Variants in ASAP3 observed in about 807,000 individuals in gnomAD.
The protein encoded by ASAP3 is arf-GAP with SH3 domain, ANK repeat and PH domain-containing protein 3.
A neutral mutation model predicts 118.2 loss-of-function variants in ASAP3; 85 were observed. The observed-to-expected ratio is 0.72, with a 90% CI of 0.60 to 0.86. ASAP3 has a LOEUF of 0.86. ASAP3 is among the 40% of genes least tolerant of loss of function. The probability of loss-of-function intolerance (pLI) is 0.00; values close to 1 mark genes in which losing one functional copy is unlikely to be tolerated. For synonymous variants in ASAP3, 432 were observed against 477.4 expected (o/e 0.90, Z 1.24); for missense variants, 1,026 against 1,175.0 (o/e 0.87, Z 1.85).
rs1177797265 is a variant in ASAP3, at chr1:23,442,245, C to T, written c.612G>A (p.Gln204=). The T allele has an allele frequency of 6.2e-7, 1 of 1,606,810 alleles. No individual in the cohort carries two copies. Among genetic ancestry groups the T allele is most frequent in the Non-Finnish European group, 8.5e-7 (1 of 1,177,198 alleles). ...GAAGGAAGTCAGGACCTTGCTTCAT[C>T]TGGCTCTCCCCGGCTTTGAGCAGAT... is the stretch of plus-strand genomic sequence containing the variant. ...CEYLLKAGES[Q]MKQGPDFLQS... The change falls in exon 7 of 25, where the codon CAG becomes CAA. Residue 204 remains glutamine (Q), a synonymous_variant. Transcript: ENST00000336689.
At chr1:23,450,031 C>A (rs190777379) in intron 5 of ASAP3, among the ~76,000 whole-genome samples, 2 of 152,168 alleles carry the variant, frequency 1.3e-5, no homozygotes, top group African/African-American at 4.8e-5. Context: ...AGCAGATGGC[C>A]GTGCCCCATC....
chr1:23,474,108 C>T, intron 1 of ASAP3, among the ~76,000 whole-genome samples: 1 of 146,086 alleles, frequency 6.8e-6, no homozygotes, highest in Middle Eastern at 3.8e-3. Context: ...GCTGGGATTA[C>T]AGGTGCCTGC....
intron 1 of ASAP3, among the ~76,000 whole-genome samples, chr1:23,468,517 T>C (rs1332324415): frequency 6.6e-6 from 1 of 152,212 alleles, no homozygotes; most frequent in African/African-American, 2.4e-5. Flanking sequence ...CTTTGGTCTC[T>C]GACGCCAGTG....
At chr1:23,462,926 G>C (rs1165383895) in intron 1 of ASAP3, among the ~76,000 whole-genome samples, 1 of 152,194 alleles carries the variant, frequency 6.6e-6, no homozygotes, top group Non-Finnish European at 1.5e-5. Flanking sequence ...AAGGAATGGG[G>C]AAGGCGTCCC....
At chr1:23,430,586 T>C (rs922263849) in intron 24 of ASAP3, among the ~76,000 whole-genome samples, 2 of 152,190 alleles carry the variant, frequency 1.3e-5, no homozygotes, top group Non-Finnish European at 2.9e-5. Context: ...CACGGCCACC[T>C]AATCCTGCCT....
chr1:23,431,004 G>A (rs749499819), intron 24 of ASAP3, 31 bp downstream of exon 24: 38 of 1,503,374 alleles, frequency 2.5e-5, no homozygotes, highest in Admixed American at 6.8e-5. Flanking sequence ...CCCTGCCACC[G>A]CCCCTCAAAC....
intron 4 of ASAP3, 45 bp downstream of exon 4, chr1:23,452,652 C>T: frequency 1.3e-6 from 2 of 1,593,388 alleles, no homozygotes; most frequent in Non-Finnish European, 8.6e-7. Context: ...CCTGCCCACC[C>T]CTCTTTTACT....
At chr1:23,431,213 G>C (rs1640420279) in intron 23 of ASAP3, 88 bp from the exon 24 acceptor site, 1 of 1,388,942 alleles carries the variant, frequency 7.2e-7, no homozygotes. Flanking sequence ...GAGCCAGTCT[G>C]GGGGCTTAGG....
Position 23,452,870 on chromosome 1 carries a change from C to T in ASAP3, c.349-99G>A, listed in dbSNP as rs554716302. On this transcript the variant is annotated intron_variant, in intron 3 of 24. Coordinates refer to ENST00000336689, the MANE Select transcript of ASAP3 (RefSeq NM_017707.4). ...AAGCATCACTTGGCAAAGAGAGCAGCGGGGAAGGGAAGTAGGGGAGAGGAA... is the reference window on the plus strand; with the variant it reads ...AAGCATCACTTGGCAAAGAGAGCAGTGGGGAAGGGAAGTAGGGGAGAGGAA... 3.0e-4 allele frequency: 352 copies of T among 1,185,444 alleles called. No homozygotes were observed. The African/African-American group carries it at 4.7e-3, about 16-fold the overall frequency. 73.4% of individuals were successfully genotyped at this position (1,185,444 alleles called of 1,614,324 possible).
intron 4 of ASAP3, 105 bp from the exon 5 acceptor site, chr1:23,451,633 C>G: frequency 7.9e-7 from 1 of 1,271,100 alleles, no homozygotes; most frequent in Non-Finnish European, 1.1e-6. Context: ...CTCCCCTGAG[C>G]TGCTCAGAGC....
intron 5 of ASAP3, among the ~76,000 whole-genome samples, chr1:23,447,641 A>G (rs1206377165): frequency 2.0e-5 from 3 of 152,224 alleles, no homozygotes; most frequent in Non-Finnish European, 4.4e-5. Context: ...TGGTAGGATT[A>G]TGATGATTCA....
In ASAP3 at chr1:23,441,220, C is replaced by T. The variant is rs762913491; in HGVS notation, c.835-9G>A. 1.1e-5 allele frequency: 18 copies of T among 1,614,054 alleles called. No individual in the cohort carries two copies. In the South Asian group the frequency reaches 1.3e-4, roughly 12 times the overall value. On this transcript the variant is annotated splice_polypyrimidine_tract_variant and intron_variant, in intron 9 of 24. Transcript: ENST00000336689. ...TTCCGGCTCAGGTGTTCCTGTCCCT[C>T]GGACATGCAAAGGAGACCTCAGGGC...
chr1:23,452,064 C>A (rs998047535), intron 4 of ASAP3, among the ~76,000 whole-genome samples: 3 of 152,228 alleles, frequency 2.0e-5, no homozygotes. Flanking sequence ...CTTGCCTAAG[C>A]CTCATCCAGC....
Position 23,436,941 on chromosome 1 carries a change from G to A in ASAP3, c.1446C>T (p.Thr482=). ...ACTCGGAGGGGCCCAGCAGGTCCAA[G>A]GTGAGTGACTGCATGCGCGAAAAGC... ...GVRFSRMQSL[T]LDLLGPSELL... The change falls in exon 15 of 25, where the codon ACC becomes ACT. Residue 482 remains threonine (T), a synonymous_variant. Transcript: ENST00000336689. This position sits in a 1 kb window ranked among gnomAD's most constrained non-coding sequence, Gnocchi z 4.2. 1 of 1,612,472 alleles carries A rather than the reference G, an allele frequency of 6.2e-7. No homozygotes were observed. The highest frequency in any genetic ancestry group is 1.3e-5 in the African/African-American group (1 of 75,034).
At chr1:23,467,668 C>T (rs963928635) in intron 1 of ASAP3, among the ~76,000 whole-genome samples, 11 of 151,860 alleles carry the variant, frequency 7.2e-5, no homozygotes. Context: ...CAAATACAAA[C>T]TAGGTCGGCG....
intron 1 of ASAP3, among the ~76,000 whole-genome samples, chr1:23,470,923 G>A (rs1641942842): frequency 6.6e-6 from 1 of 152,168 alleles, no homozygotes; most frequent in South Asian, 2.1e-4. Flanking sequence ...GATGAGCTAA[G>A]AGAACAAGAA....
At chr1:23,459,710 C>T (rs1555024) in intron 1 of ASAP3, among the ~76,000 whole-genome samples, 82,507 of 152,132 alleles carry the variant, frequency 0.54, 26,201 homozygotes, top group Non-Finnish European at 0.69. Flanking sequence ...TTTCTGGCAA[C>T]TTTCCAGATG....
At chr1:23,443,027 G>T (rs1374456359) in intron 5 of ASAP3, among the ~76,000 whole-genome samples, 1 of 152,136 alleles carries the variant, frequency 6.6e-6, no homozygotes, top group East Asian at 1.9e-4. Flanking sequence ...ACCATGCAGG[G>T]TCTAATTCAC....
chr1:23,452,613 C>G (rs950992374), intron 4 of ASAP3, 84 bp downstream of exon 4: 42 of 1,456,374 alleles, frequency 2.9e-5, no homozygotes, highest in Non-Finnish European at 4.8e-6. Flanking sequence ...GGCCTCCACC[C>G]TCAGTCCAGC....
Sources: gnomAD v4.1 joint callset for allele counts (sites outside exome capture counted in the v4.1 genomes callset) on GRCh38, gnomAD v4.1.1 for gene constraint, Gnocchi (gnomAD v3.1) non-coding constraint, MANE v1.5 for transcripts, NCBI Gene and HGNC (gene_info 2026-07-23, HGNC 2026-07-21) for gene names.